Variants in LIPN observed in about 807,000 individuals in gnomAD.
LIPN encodes the protein lipase family member N.
Under a neutral mutation model 43.7 loss-of-function variants are expected in LIPN, and 32 were observed. The observed-to-expected ratio is 0.73, with a 90% CI of 0.55 to 0.98. The LOEUF is 0.98. Among genes scored for constraint, LIPN ranks in the 50% least tolerant of loss-of-function variants. The probability of loss-of-function intolerance (pLI) is 0.00; values close to 1 mark genes in which losing one functional copy is unlikely to be tolerated. For missense variants in LIPN, 505 were observed against 483.8 expected (o/e 1.04, Z -0.41); for synonymous variants, 156 against 157.6 (o/e 0.99, Z 0.08).
intron 9 of LIPN, among the ~76,000 whole-genome samples, chr10:88,776,645 A>T (rs1318910570): frequency 1.3e-5 from 2 of 152,134 alleles, no homozygotes; most frequent in East Asian, 3.9e-4. Context: ...TATTGAGTAT[A>T]AGAGAATTAA....
At chr10:88,772,985 A>C (rs1843235964) in intron 7 of LIPN, among the ~76,000 whole-genome samples, 1 of 151,970 alleles carries the variant, frequency 6.6e-6, no homozygotes, top group Non-Finnish European at 1.5e-5. Flanking sequence ...TAAAACACTG[A>C]TGAAAGAAAT....
upstream of LIPN, among the ~76,000 whole-genome samples, chr10:88,759,245 C>T (rs1361244084): frequency 1.3e-5 from 2 of 152,094 alleles, no homozygotes; most frequent in Non-Finnish European, 2.9e-5. Context: ...TAAATCCAAA[C>T]TAATAGAACT....
chr10:88,763,961 A>G (rs1843045939), intron 3 of LIPN, among the ~76,000 whole-genome samples: 3 of 152,136 alleles, frequency 2.0e-5, no homozygotes, highest in Non-Finnish European at 4.4e-5. Flanking sequence ...ATTTGTATAT[A>G]CAAATACATA....
Position 88,778,168 on chromosome 10 carries a change from G to A in LIPN, c.1123G>A (p.Asp375Asn). ...GCTATTGCCAGATTGGAACCACTTT[G>A]ATTTTGTCTGGGGCCTCGATGCCCC... ...FKLLPDWNHFDFVWGLDAPQR... is the reference protein window; with the variant it reads ...FKLLPDWNHFNFVWGLDAPQR... Residue 375 changes from aspartate to asparagine, a missense_variant, in exon 10 of 10, where the codon GAT becomes AAT. Coordinates refer to ENST00000404459, the MANE Select transcript of LIPN (RefSeq NM_001102469.2). The A allele has an allele frequency of 6.2e-7, 1 of 1,613,418 alleles. No homozygotes were observed. The highest frequency in any genetic ancestry group is 8.5e-7 in the Non-Finnish European group (1 of 1,179,656).
rs868667083 is a variant in LIPN at position 88,764,453 on chromosome 10, C to T, written c.270C>T (p.Asp90=). The T allele has an allele frequency of 1.9e-6, 3 of 1,612,380 alleles. No individual in the cohort carries two copies. Among genetic ancestry groups the T allele is most frequent in the Non-Finnish European group, 2.5e-6 (3 of 1,179,028 alleles). ...ATATGCAGCATGCCCTGTTTGCAGA[C>T]AATGCCTACTGGCTTGAGAATTATG... is the stretch of plus-strand genomic sequence containing the variant. ...VVYMQHALFA[D]NAYWLENYAN... is the part of the protein sequence containing the mutation. Residue 90 remains aspartate, a synonymous_variant, in exon 4 of 10, where the codon GAC becomes GAT. Coordinates refer to ENST00000404459, the MANE Select transcript of LIPN (RefSeq NM_001102469.2).
In LIPN at chr10:88,779,016, C is replaced by T. The variant is rs1843343220; in HGVS notation, c.*774C>T. On this transcript the variant is annotated 3_prime_UTR_variant, in exon 10 of 10. Coordinates refer to ENST00000404459, the MANE Select transcript of LIPN (RefSeq NM_001102469.2). ...GAAAAACTGACAGATAGGAAACTGA[C>T]AATAAAAGATTGAGCTAAAGATGGA... Among the ~76,000 whole-genome samples the T allele has an allele frequency of 6.6e-6, 1 of 152,032 alleles. No individual in the cohort carries two copies. The highest frequency in any genetic ancestry group is 1.5e-5 in the Non-Finnish European group (1 of 68,002).
rs771323042 is a variant in LIPN at position 88,776,970 on chromosome 10, C to G, written c.964-1039C>G. On this transcript the variant is annotated intron_variant, in intron 9 of 9. Coordinates refer to ENST00000404459, the MANE Select transcript of LIPN (RefSeq NM_001102469.2). ...TGAAAAACAAGCAAGACCATCAATT[C>G]TATCAAGTTATCATTATGTCACTCT... 3.0e-4 allele frequency among the ~76,000 whole-genome samples: 46 copies of G among 152,016 alleles called. 1 individual carries two copies. Among genetic ancestry groups the G allele is most frequent in the Non-Finnish European group, 7.4e-5 (5 of 67,974 alleles).
In LIPN at chr10:88,772,874, A is replaced by T. The variant is rs879507157; in HGVS notation, c.820-1599A>T. 8.5e-3 allele frequency among the ~76,000 whole-genome samples: 1,287 copies of T among 151,866 alleles called. 47 individuals are homozygous for T. Among genetic ancestry groups the T allele is most frequent in the East Asian group, 0.072 (369 of 5,156 alleles). On this transcript the variant is annotated intron_variant, in intron 7 of 9. Transcript: ENST00000404459. ...TAATCTTAAAAAAAAAGAAAGAAAA[A>T]AAAAACAAGAAATAATCCCATTTAT...
chr10:88,773,519 G>A (rs1843244889), intron 7 of LIPN, among the ~76,000 whole-genome samples: 1 of 151,796 alleles, frequency 6.6e-6, no homozygotes, highest in Admixed American at 6.6e-5. Context: ...AAGGGAGATG[G>A]GATCCCCTCT....
At chr10:88,757,231 C>T (rs1842937443), upstream of LIPN, among the ~76,000 whole-genome samples, 1 of 151,854 alleles carries the variant, frequency 6.6e-6, no homozygotes, top group Non-Finnish European at 1.5e-5. Context: ...GCACATTAAG[C>T]AGGAAGCGAG....
In LIPN at chr10:88,770,846, C is replaced by T. The variant is rs1212048337; in HGVS notation, c.674C>T (p.Ala225Val). 1 of 1,486,602 alleles carries T rather than the reference C, an allele frequency of 6.7e-7. No individual in the cohort carries two copies. Among genetic ancestry groups the T allele is most frequent in the African/African-American group, 1.4e-5 (1 of 70,722 alleles). 92.1% of individuals were successfully genotyped at this position (1,486,602 alleles called of 1,614,324 possible). Residue 225 changes from alanine (A) to valine (V), a missense_variant and splice_region_variant, in exon 7 of 10, where the codon GCT becomes GTT. Ala to Val is a moderately conservative substitution (Grantham distance 64, BLOSUM62 0). Coordinates refer to ENST00000404459, the MANE Select transcript of LIPN (RefSeq NM_001102469.2). ...FFLLPNSIIK[A>V]VFGTKGFFLE... Reference sequence around the variant, plus strand: ...GATAATTATTATTTACTTTCATAGGCTGTTTTTGGTACCAAAGGTTTCTTT... The same window carrying T: ...GATAATTATTATTTACTTTCATAGGTTGTTTTTGGTACCAAAGGTTTCTTT...
chr10:88,772,755 A>G (rs1478233129), intron 7 of LIPN, among the ~76,000 whole-genome samples: 4 of 151,884 alleles, frequency 2.6e-5, no homozygotes, highest in African/African-American at 4.8e-5. Flanking sequence ...CTCCAACAAA[A>G]AACCTGCTAG....
Position 88,778,202 on chromosome 10 carries a change from T to A in LIPN, c.1157T>A (p.Met386Lys), listed in dbSNP as rs750271814. ...TGGGGCCTCGATGCCCCTCAACGGA[T>A]GTACAGTGAAATCATAGCTTTAATG... ...FVWGLDAPQRMYSEIIALMKA... is the reference protein window; with the variant it reads ...FVWGLDAPQRKYSEIIALMKA... The change falls in exon 10 of 10, where the codon ATG becomes AAG. Residue 386 changes from methionine (M) to lysine (K), a missense_variant. Coordinates refer to ENST00000404459, the MANE Select transcript of LIPN (RefSeq NM_001102469.2). 1 of 1,612,366 alleles carries A rather than the reference T, an allele frequency of 6.2e-7. No individual in the cohort carries two copies. Among genetic ancestry groups the A allele is most frequent in the Non-Finnish European group, 8.5e-7 (1 of 1,179,244 alleles).
chr10:88,773,050 C>G (rs1022811102), intron 7 of LIPN, among the ~76,000 whole-genome samples: 1 of 151,558 alleles, frequency 6.6e-6, no homozygotes, highest in Non-Finnish European at 1.5e-5. Context: ...TTGCAAGAAT[C>G]AATATTGTTA....
At chr10:88,764,901 C>G (rs1263045396) in intron 4 of LIPN, among the ~76,000 whole-genome samples, 2 of 152,024 alleles carry the variant, frequency 1.3e-5, no homozygotes, top group African/African-American at 2.4e-5. Flanking sequence ...TGTGCACATT[C>G]ATTCAGCCAA....
In LIPN at chr10:88,764,400, C is replaced by T; in HGVS notation, c.227-10C>T. 1 of 1,603,470 alleles carries T rather than the reference C, an allele frequency of 6.2e-7. No homozygotes were observed. The highest frequency in any genetic ancestry group is 2.2e-5 in the East Asian group (1 of 44,696). ...TTCTCCCTCTCTCATCTTACCCTTT[C>T]CCCCACCAGGTCCCCGGCCAGTTGT... On this transcript the variant is annotated splice_polypyrimidine_tract_variant and intron_variant, in intron 3 of 9. Coordinates refer to ENST00000404459, the MANE Select transcript of LIPN (RefSeq NM_001102469.2).
intron 4 of LIPN, among the ~76,000 whole-genome samples, chr10:88,765,784 A>G (rs1047104292): frequency 2.2e-4 from 34 of 152,012 alleles, no homozygotes; most frequent in Non-Finnish European, 2.9e-5. Flanking sequence ...ACCAGGTACT[A>G]CCCTGTTTAT....
Position 88,767,224 on chromosome 10 carries a change from A to G in LIPN, c.535+846A>G, listed in dbSNP as rs1590176882. ...TTCATTATCACCACTATCATCAGTAACAAACATATATTCATTAGTATTTTA... is the reference window on the plus strand; with the variant it reads ...TTCATTATCACCACTATCATCAGTAGCAAACATATATTCATTAGTATTTTA... On this transcript the variant is annotated intron_variant, in intron 5 of 9. Transcript: ENST00000404459. 2.0e-5 allele frequency among the ~76,000 whole-genome samples: 3 copies of G among 152,060 alleles called. No individual in the cohort carries two copies. In the South Asian group the frequency reaches 6.2e-4, roughly 31 times the overall value.
chr10:88,767,428 A>G (rs558435469), intron 5 of LIPN, among the ~76,000 whole-genome samples: 1 of 151,812 alleles, frequency 6.6e-6, no homozygotes, highest in Non-Finnish European at 1.5e-5. Context: ...CCTTCCCCAC[A>G]GTATCTCCCT....
Sources: allele counts gnomAD v4.1 joint callset (sites outside exome capture counted in the v4.1 genomes callset), GRCh38; gene constraint gnomAD v4.1.1; transcripts MANE v1.5; gene names NCBI Gene and HGNC (gene_info 2026-07-23, HGNC 2026-07-21).